FAM163A: variants seen among roughly 807,000 people sequenced by gnomAD.
FAM163A encodes the protein protein FAM163A.
In FAM163A, 7 loss-of-function variants were observed where a neutral mutation model predicts 12.0. The observed-to-expected ratio is 0.58, with a 90% CI of 0.33 to 1.10. The LOEUF (loss-of-function observed/expected upper bound fraction) is 1.10. Ranked by LOEUF, FAM163A falls within the 50% of genes least tolerant of loss-of-function variation. FAM163A has a pLI of 0.03. For synonymous variants in FAM163A, 101 were observed against 91.0 expected (o/e 1.11, Z -0.62); for missense variants, 202 against 218.6 (o/e 0.92, Z 0.48).
intron 1 of FAM163A, among the ~76,000 whole-genome samples, chr1:179,767,029 TAC>T (rs753750878): frequency 5.3e-5 from 8 of 152,120 alleles, no homozygotes; most frequent in Admixed American, 1.3e-4. Context: ...TTGCTAGGAT[TAC>T]AGACATGAAC....
intron 1 of FAM163A, among the ~76,000 whole-genome samples, chr1:179,773,598 A>C (rs952535336): frequency 1.3e-5 from 2 of 152,206 alleles, no homozygotes; most frequent in African/African-American, 4.8e-5. Flanking sequence ...ATAAGCAACT[A>C]GTGTCTCTGC....
At position 179,747,312 on chromosome 1, in the gene FAM163A, C is replaced by G. The variant is rs145852583; in HGVS notation, c.-136+3889C>G. On this transcript the variant is annotated intron_variant, in intron 1 of 4. Coordinates refer to ENST00000341785, the MANE Select transcript of FAM163A (RefSeq NM_173509.3). ...TGAGCATTTCTTATCAGCACAGATG[C>G]CCGGCTCAGTTCCCCCTACTTCCAA... is the stretch of plus-strand genomic sequence containing the variant. Among the ~76,000 whole-genome samples the G allele has an allele frequency of 5.1e-3, 773 of 152,350 alleles. 5 individuals carry two copies. The highest frequency in any genetic ancestry group is 7.5e-3 in the Non-Finnish European group (508 of 68,040).
intron 1 of FAM163A, among the ~76,000 whole-genome samples, chr1:179,744,196 G>C (rs1039768165): frequency 6.6e-6 from 1 of 152,222 alleles, no homozygotes; most frequent in Admixed American, 6.5e-5. Flanking sequence ...GGAGAAGCCG[G>C]ACGTGCCCGT....
chr1:179,739,401 C>T (rs1022745683), upstream of FAM163A, among the ~76,000 whole-genome samples: 1 of 152,172 alleles, frequency 6.6e-6, no homozygotes, highest in African/African-American at 2.4e-5. Flanking sequence ...AGCCACAGAT[C>T]TGAAAAAGGA....
the FAM163A span, among the ~76,000 whole-genome samples, chr1:179,733,167 C>A: frequency 3.3e-5 from 5 of 152,146 alleles, no homozygotes; most frequent in Non-Finnish European, 5.9e-5. Flanking sequence ...TAGCATCCCC[C>A]ACATGTACAA....
At chr1:179,762,955 C>T (rs1386608057) in intron 1 of FAM163A, among the ~76,000 whole-genome samples, 1 of 152,082 alleles carries the variant, frequency 6.6e-6, no homozygotes, top group Non-Finnish European at 1.5e-5. Flanking sequence ...GACAAATCGA[C>T]AGGAGAAAAA....
intron 1 of FAM163A, among the ~76,000 whole-genome samples, chr1:179,791,298 T>G (rs1336320010): frequency 6.6e-6 from 1 of 152,120 alleles, no homozygotes; most frequent in Admixed American, 6.5e-5. Flanking sequence ...ACATCCTCCA[T>G]GGAGAGCAAG....
chr1:179,808,193 G>A lies in FAM163A; in HGVS notation c.-45+305G>A, dbSNP rs1694215309. Among the ~76,000 whole-genome samples, 4 of 152,354 alleles carry A rather than the reference G, an allele frequency of 2.6e-5. No individual in the cohort carries two copies. The South Asian group carries it at 6.2e-4, about 24-fold the overall frequency. ...GCACTGGCCCGTGGGCCCTGACTCA[G>A]GCACTTGTTATCCTATGACTTTAGG... On this transcript the variant is annotated intron_variant, in intron 2 of 4. Coordinates refer to ENST00000341785, the MANE Select transcript of FAM163A (RefSeq NM_173509.3).
chr1:179,809,234 C>G lies in FAM163A; in HGVS notation c.-45+1346C>G, dbSNP rs890393030. On this transcript the variant is annotated intron_variant, in intron 2 of 4. Coordinates refer to ENST00000341785, the MANE Select transcript of FAM163A (RefSeq NM_173509.3). ...GATTTTAAGGCCAGACCTAAACAGC[C>G]ACAACATGTCGAGGCCCCCCAAAAC... is the stretch of plus-strand genomic sequence containing the variant. Among the ~76,000 whole-genome samples the G allele has an allele frequency of 4.2e-4, 64 of 152,094 alleles. 3 individuals carry two copies. Among genetic ancestry groups the G allele is most frequent in the Non-Finnish European group, 5.9e-5 (4 of 68,036 alleles).
At chr1:179,791,240 G>A (rs1178356847) in intron 1 of FAM163A, among the ~76,000 whole-genome samples, 2 of 152,202 alleles carry the variant, frequency 1.3e-5, no homozygotes, top group African/African-American at 2.4e-5. Context: ...CTGGGTCTAA[G>A]GACCCAGGCA....
chr1:179,731,347 G>A, the FAM163A span, among the ~76,000 whole-genome samples: 2 of 152,176 alleles, frequency 1.3e-5, no homozygotes, highest in Non-Finnish European at 2.9e-5. Context: ...AAGTGAAGTA[G>A]CTGTAAATGG....
chr1:179,738,445 A>T (rs147912555), upstream of FAM163A, among the ~76,000 whole-genome samples: 357 of 152,346 alleles, frequency 2.3e-3, 2 homozygotes, highest in African/African-American at 8.2e-3. Flanking sequence ...TGTATCAATT[A>T]TACCTCAATA....
At chr1:179,755,955 T>A (rs1033725626) in intron 1 of FAM163A, among the ~76,000 whole-genome samples, 4 of 152,298 alleles carry the variant, frequency 2.6e-5, no homozygotes, top group Middle Eastern at 6.8e-3. Context: ...GGCAAAGGAA[T>A]TAGGTGAGCA....
chr1:179,791,556 G>A (rs1185224314), intron 1 of FAM163A, among the ~76,000 whole-genome samples: 1 of 152,240 alleles, frequency 6.6e-6, no homozygotes, highest in Admixed American at 6.5e-5. Flanking sequence ...AAAAGAAGGG[G>A]AATAGGCTGC....
chr1:179,805,220 A>G (rs1693757900), intron 1 of FAM163A, among the ~76,000 whole-genome samples: 1 of 152,168 alleles, frequency 6.6e-6, no homozygotes, highest in Non-Finnish European at 1.5e-5. Flanking sequence ...CCACTCAGAC[A>G]TTAGAATGCA....
intron 1 of FAM163A, among the ~76,000 whole-genome samples, chr1:179,773,858 TC>T (rs1399032183): frequency 6.6e-6 from 1 of 152,188 alleles, no homozygotes; most frequent in African/African-American, 2.4e-5. Context: ...TTCAGAAGCC[TC>T]CGTTCTGAGA....
chr1:179,815,110 CACAG>C lies in FAM163A; in HGVS notation c.*925_*928del, dbSNP rs1279959901. ...AGGTGTACGCACGCGCGCGCGCGCG[CACAG>C]ACACACACACACACACACACACACA... On this transcript the variant is annotated 3_prime_UTR_variant, in exon 5 of 5. Transcript: ENST00000341785. 0.04 allele frequency: 1,905 copies of C among 47,348 alleles called. 50 individuals are homozygous for C. Among genetic ancestry groups the C allele is most frequent in the African/African-American group, 0.24 (1,776 of 7,416 alleles). The allele number at this position is 47,348 out of a possible 1,614,324, so 2.9% of individuals were successfully genotyped here.
chr1:179,797,950 C>A (rs1190176982), intron 1 of FAM163A, among the ~76,000 whole-genome samples: 2 of 152,098 alleles, frequency 1.3e-5, no homozygotes, highest in South Asian at 4.2e-4. Flanking sequence ...TAAGGCATGG[C>A]CGGGCGCAGT....
intron 1 of FAM163A, among the ~76,000 whole-genome samples, chr1:179,804,809 G>A (rs545873325): frequency 6.6e-6 from 1 of 152,276 alleles, no homozygotes; most frequent in South Asian, 2.1e-4. Context: ...AATTAAGGGT[G>A]GAGGGTGAGA....
Sources: allele counts gnomAD v4.1 joint callset (sites outside exome capture counted in the v4.1 genomes callset), GRCh38; gene constraint gnomAD v4.1.1; transcripts MANE v1.5; gene names NCBI Gene and HGNC (gene_info 2026-07-23, HGNC 2026-07-21).